The following ZC3H12B variants were observed in gnomAD, a reference collection of about 807,000 sequenced individuals.
ZC3H12B encodes the protein zinc finger CCCH-type containing 12B, also known as probable ribonuclease ZC3H12B.
Under a neutral mutation model 43.9 loss-of-function variants are expected in ZC3H12B, and 7 were observed. The observed-to-expected ratio is 0.16, with a 90% confidence interval of 0.09 to 0.30. The LOEUF is 0.30. ZC3H12B is among the 10% of genes least tolerant of loss of function. ZC3H12B has a pLI of 1.00. For synonymous variants in ZC3H12B, 222 were observed against 241.7 expected (o/e 0.92, Z 0.76); for missense variants, 475 against 670.2 (o/e 0.71, Z 3.22).
chrX:65,152,302 G>A, the ZC3H12B span, among the ~76,000 whole-genome samples: 1 of 111,471 alleles, frequency 9.0e-6, no homozygotes, highest in Non-Finnish European at 1.9e-5. Context: ...GTCCCTTTTT[G>A]CAGATGACAT....
chrX:65,333,900 G>C, the ZC3H12B span, among the ~76,000 whole-genome samples: 2 of 111,642 alleles, frequency 1.8e-5, no homozygotes, highest in African/African-American at 6.5e-5. Flanking sequence ...ATAACATACA[G>C]TAAGTCATAT....
At chrX:65,268,171 C>T in the ZC3H12B span, among the ~76,000 whole-genome samples, 2 of 111,344 alleles carry the variant, frequency 1.8e-5, no homozygotes, top group African/African-American at 6.5e-5. Flanking sequence ...CTAGAGGAAA[C>T]AAATAAATTT....
the ZC3H12B span, among the ~76,000 whole-genome samples, chrX:65,206,989 C>A: frequency 4.6e-4 from 44 of 95,825 alleles, no homozygotes; most frequent in African/African-American, 2.0e-3. Flanking sequence ...TGGCCATAAT[C>A]AAAAAATCAA....
chrX:65,072,623 T>A, the ZC3H12B span, among the ~76,000 whole-genome samples: 1 of 111,956 alleles, frequency 8.9e-6, no homozygotes, highest in Admixed American at 9.4e-5. Context: ...TACAGTCAAC[T>A]TGCTTTGTTT....
At chrX:65,183,670 G>T in the ZC3H12B span, among the ~76,000 whole-genome samples, 9 of 111,809 alleles carry the variant, frequency 8.0e-5, no homozygotes, top group Non-Finnish European at 1.3e-4. Context: ...GGAAATAAAG[G>T]TAGTAAAGAT....
At chrX:65,361,528 G>C in the ZC3H12B span, among the ~76,000 whole-genome samples, 923 of 111,749 alleles carry the variant, frequency 8.3e-3, 6 homozygotes, top group Non-Finnish European at 0.014. Context: ...AGTTCTGCAG[G>C]TTTCTTCTCT....
chrX:65,386,633 G>C (rs909846730), intron 2 of ZC3H12B, among the ~76,000 whole-genome samples: 10 of 111,197 alleles, frequency 9.0e-5, no homozygotes, highest in Non-Finnish European at 1.7e-4. Flanking sequence ...GGTTTTTTGT[G>C]TCTCTATTTC....
chrX:65,404,477 A>T (rs2066799679), intron 3 of ZC3H12B, among the ~76,000 whole-genome samples: 1 of 111,774 alleles, frequency 8.9e-6, no homozygotes, highest in Admixed American at 9.5e-5. Context: ...ACCTATAAAG[A>T]CACAAATAGA....
chrX:65,078,609 TAGTG>T, the ZC3H12B span, among the ~76,000 whole-genome samples: 3 of 111,874 alleles, frequency 2.7e-5, no homozygotes, highest in Admixed American at 1.9e-4. Context: ...TCATTGACCT[TAGTG>T]AGAGAGATCT....
At chrX:65,049,199 C>A in the ZC3H12B span, among the ~76,000 whole-genome samples, 37 of 110,757 alleles carry the variant, frequency 3.3e-4, no homozygotes, top group Non-Finnish European at 6.1e-4. Flanking sequence ...TCTATTTTTC[C>A]TTTTGTTGCC....
intron 3 of ZC3H12B, among the ~76,000 whole-genome samples, chrX:65,443,016 A>G (rs2067323814): frequency 9.0e-6 from 1 of 111,111 alleles, no homozygotes; most frequent in Non-Finnish European, 1.9e-5. Flanking sequence ...TCAAAATAAT[A>G]AGGAGGGGGT....
At chrX:65,222,713 C>A in the ZC3H12B span, among the ~76,000 whole-genome samples, 1 of 108,917 alleles carries the variant, frequency 9.2e-6, no homozygotes, top group Non-Finnish European at 1.9e-5. Context: ...AAACTAAAAA[C>A]ACTATTGAAA....
the ZC3H12B span, among the ~76,000 whole-genome samples, chrX:65,226,491 A>G: frequency 8.9e-6 from 1 of 111,746 alleles, no homozygotes; most frequent in African/African-American, 3.3e-5. Flanking sequence ...CAAAATAACC[A>G]GCTAACATCA....
chrX:65,165,928 T>C, the ZC3H12B span, among the ~76,000 whole-genome samples: 1 of 112,388 alleles, frequency 8.9e-6, no homozygotes, highest in African/African-American at 3.2e-5. Context: ...TAAGAGTATT[T>C]CTATTTCTCC....
the ZC3H12B span, chrX:65,184,913 GTGA>G: frequency 9.0e-6 from 1 of 111,413 alleles, no homozygotes; most frequent in Non-Finnish European, 1.9e-5. Flanking sequence ...GAGGTACTGA[GTGA>G]TGTTTTCATA....
chrX:65,271,436 G>A, the ZC3H12B span: 1 of 112,755 alleles, frequency 8.9e-6, no homozygotes, highest in African/African-American at 3.2e-5. Context: ...TGTAAATACA[G>A]TGATTAAAAA....
the ZC3H12B span, among the ~76,000 whole-genome samples, chrX:65,263,492 A>G: frequency 1.8e-5 from 2 of 111,113 alleles, no homozygotes; most frequent in East Asian, 2.8e-4. Flanking sequence ...AATTAATGGA[A>G]CCATGGTTAC....
intron 3 of ZC3H12B, among the ~76,000 whole-genome samples, chrX:65,407,296 C>T (rs1453978235): frequency 7.3e-4 from 69 of 95,055 alleles, no homozygotes; most frequent in African/African-American, 2.6e-3. Context: ...ATTTGCGGGA[C>T]TGCTCTCGGT....
At chrX:65,361,699 A>T (rs1270189837), upstream of ZC3H12B, among the ~76,000 whole-genome samples, 1 of 110,410 alleles carries the variant, frequency 9.1e-6, no homozygotes, top group East Asian at 2.8e-4. Flanking sequence ...GAGGAAGGCC[A>T]TCTTACTCTC....
Sources: allele counts gnomAD v4.1 joint callset (sites outside exome capture counted in the v4.1 genomes callset), GRCh38; gene constraint gnomAD v4.1.1; transcripts MANE v1.5; gene names NCBI Gene and HGNC (gene_info 2026-07-23, HGNC 2026-07-21).